The following JAKMIP2 variants were observed in gnomAD, a reference collection of about 807,000 sequenced individuals.
JAKMIP2 encodes janus kinase and microtubule interacting protein 2.
In JAKMIP2, 25 loss-of-function variants were observed where a neutral mutation model predicts 115.0. The observed-to-expected ratio is 0.22, with a 90% CI of 0.16 to 0.30. The LOEUF is 0.30. Among genes scored for constraint, JAKMIP2 ranks in the 10% least tolerant of loss-of-function variants. JAKMIP2 has a pLI of 1.00. For synonymous variants in JAKMIP2, 334 were observed against 343.6 expected, an observed-to-expected ratio of 0.97 and a Z score of 0.31; for missense variants, 642 against 957.6, an observed-to-expected ratio of 0.67 and a Z score of 4.35.
At chr5:147,627,507 C>T (rs1042904486) in intron 16 of JAKMIP2, among the ~76,000 whole-genome samples, 1 of 151,874 alleles carries the variant, frequency 6.6e-6, no homozygotes, top group African/African-American at 2.4e-5. Flanking sequence ...TAAATTTGGA[C>T]CTTCTGTTAG....
intron 1 of JAKMIP2, among the ~76,000 whole-genome samples, chr5:147,743,027 C>A (rs1029223728): frequency 1.3e-5 from 2 of 152,176 alleles, no homozygotes; most frequent in African/African-American, 4.8e-5. Context: ...CTGTGAGAAA[C>A]TTTCCAAATA....
chr5:147,657,724 C>T (rs1171253463), intron 3 of JAKMIP2, among the ~76,000 whole-genome samples: 1 of 151,884 alleles, frequency 6.6e-6, no homozygotes, highest in East Asian at 1.9e-4. Context: ...TTTCTCTAAT[C>T]TTGTCTGCAT....
At chr5:147,718,517 A>G (rs1213890774) in intron 1 of JAKMIP2, among the ~76,000 whole-genome samples, 1 of 151,908 alleles carries the variant, frequency 6.6e-6, no homozygotes, top group East Asian at 1.9e-4. Flanking sequence ...TATTGCCACA[A>G]TTTCAGATCC....
At chr5:147,733,538 A>C (rs984990323) in intron 1 of JAKMIP2, among the ~76,000 whole-genome samples, 7 of 152,166 alleles carry the variant, frequency 4.6e-5, no homozygotes, top group Non-Finnish European at 1.0e-4. Flanking sequence ...ACAGGTATAC[A>C]TGTGCCATGA....
intron 21 of JAKMIP2, among the ~76,000 whole-genome samples, chr5:147,591,955 A>G (rs1394522157): frequency 6.6e-6 from 1 of 152,198 alleles, no homozygotes. Context: ...TATTATTATC[A>G]TTACTGCTTT....
At chr5:147,695,204 A>G (rs1398839502) in intron 1 of JAKMIP2, among the ~76,000 whole-genome samples, 1 of 152,192 alleles carries the variant, frequency 6.6e-6, no homozygotes, top group Non-Finnish European at 1.5e-5. Context: ...GTTGCCAATG[A>G]TCCAACTAAA....
At chr5:147,719,343 T>C (rs1241514914) in intron 1 of JAKMIP2, among the ~76,000 whole-genome samples, 6 of 135,424 alleles carry the variant, frequency 4.4e-5, no homozygotes, top group Non-Finnish European at 7.7e-5. Flanking sequence ...GGGTGGAGAG[T>C]TCTGTAGATG....
chr5:147,617,108 T>C (rs1328277531), intron 19 of JAKMIP2, among the ~76,000 whole-genome samples: 1 of 152,218 alleles, frequency 6.6e-6, no homozygotes, highest in Non-Finnish European at 1.5e-5. Flanking sequence ...ACTGTCAGGC[T>C]ATGGCATGAA....
At chr5:147,749,084 G>T (rs973993580) in intron 1 of JAKMIP2, among the ~76,000 whole-genome samples, 3 of 152,062 alleles carry the variant, frequency 2.0e-5, no homozygotes. Context: ...AGCTCAAAAA[G>T]GTTGAAAACA....
chr5:147,760,206 A>C (rs1228417121), intron 1 of JAKMIP2, among the ~76,000 whole-genome samples: 1 of 152,084 alleles, frequency 6.6e-6, no homozygotes, highest in Admixed American at 6.6e-5. Flanking sequence ...TGGAAATGTT[A>C]AGTCAACAAC....
At chr5:147,722,955 T>G (rs1753373359) in intron 1 of JAKMIP2, among the ~76,000 whole-genome samples, 1 of 152,150 alleles carries the variant, frequency 6.6e-6, no homozygotes, top group Non-Finnish European at 1.5e-5. Context: ...TTACACAACA[T>G]CAGCAAAGCA....
chr5:147,608,856 T>A (rs1054467521), intron 20 of JAKMIP2, among the ~76,000 whole-genome samples: 1 of 152,222 alleles, frequency 6.6e-6, no homozygotes, highest in Non-Finnish European at 1.5e-5. Context: ...ATCTGGGTGT[T>A]CCTATATTGG....
intron 1 of JAKMIP2, among the ~76,000 whole-genome samples, chr5:147,676,100 G>A (rs1259158532): frequency 2.0e-5 from 3 of 152,120 alleles, no homozygotes; most frequent in Non-Finnish European, 4.4e-5. Context: ...TTGGGAGGCC[G>A]AGGTGGGCGG....
At chr5:147,712,083 A>G (rs17563332) in intron 1 of JAKMIP2, among the ~76,000 whole-genome samples, 15,996 of 152,222 alleles carry the variant, frequency 0.11, 1,045 homozygotes, top group Middle Eastern at 0.18. Context: ...TTAGAATCTG[A>G]ATATTTATGC....
At chr5:147,721,450 C>T (rs1237188637) in intron 1 of JAKMIP2, among the ~76,000 whole-genome samples, 3 of 152,124 alleles carry the variant, frequency 2.0e-5, no homozygotes, top group Admixed American at 6.5e-5. Context: ...CCCCCAGCCT[C>T]GCTGCCACCT....
At chr5:147,600,137 G>T (rs1418893088) in intron 21 of JAKMIP2, among the ~76,000 whole-genome samples, 1 of 89,634 alleles carries the variant, frequency 1.1e-5, no homozygotes, top group East Asian at 3.0e-4. Flanking sequence ...TTTGTTTCCT[G>T]ATACTCTGGT....
chr5:147,642,264 A>AGCTAGCGG (rs1431431146), intron 7 of JAKMIP2, among the ~76,000 whole-genome samples: 1 of 152,170 alleles, frequency 6.6e-6, no homozygotes, highest in East Asian at 1.9e-4. Context: ...GGAACAGAGT[A>AGCTAGCGG]GCTAGCGGGT....
At chr5:147,639,054 A>T (rs528692126) in intron 10 of JAKMIP2, among the ~76,000 whole-genome samples, 1 of 152,304 alleles carries the variant, frequency 6.6e-6, no homozygotes, top group African/African-American at 2.4e-5. Flanking sequence ...TTATGATATA[A>T]AGGAAAGAAC....
At chr5:147,691,252 C>A (rs1561541133) in intron 1 of JAKMIP2, among the ~76,000 whole-genome samples, 4 of 152,012 alleles carry the variant, frequency 2.6e-5, no homozygotes, top group African/African-American at 7.3e-5. Context: ...GTTCTCCCAC[C>A]CTCTCCATTG....
Sources: allele counts gnomAD v4.1 joint callset (sites outside exome capture counted in the v4.1 genomes callset), GRCh38; gene constraint gnomAD v4.1.1; transcripts MANE v1.5; gene names NCBI Gene and HGNC (gene_info 2026-07-23, HGNC 2026-07-21).